The following SLC45A4 variants were observed in gnomAD, a reference collection of about 807,000 sequenced individuals.
SLC45A4 encodes the protein solute carrier family 45 member 4.
A neutral mutation model predicts 63.7 loss-of-function variants in SLC45A4; 32 were observed. That is an observed-to-expected ratio of 0.50 (90% CI 0.38 to 0.67). SLC45A4 has a LOEUF of 0.67. Ranked by LOEUF, SLC45A4 falls within the 30% of genes least tolerant of loss-of-function variation. The pLI is 0.00. For synonymous variants in SLC45A4, 535 were observed against 510.0 expected, an observed-to-expected ratio of 1.05 and a Z score of -0.66; for missense variants, 1,027 against 1,157.7, an observed-to-expected ratio of 0.89 and a Z score of 1.64.
At chr8:141,220,421 A>G (rs1467944566) in intron 3 of SLC45A4, among the ~76,000 whole-genome samples, 2 of 152,084 alleles carry the variant, frequency 1.3e-5, no homozygotes, top group African/African-American at 4.8e-5. Context: ...GCCGCACCTC[A>G]CCTACGAGTC....
intron 1 of SLC45A4, among the ~76,000 whole-genome samples, chr8:141,304,995 T>C (rs1305650346): frequency 2.0e-5 from 3 of 152,192 alleles, no homozygotes; most frequent in South Asian, 2.1e-4. Context: ...AATGACAATA[T>C]GACCTGTTAA....
At chr8:141,285,779 C>T (rs773322145) in intron 1 of SLC45A4, among the ~76,000 whole-genome samples, 4 of 152,204 alleles carry the variant, frequency 2.6e-5, no homozygotes, top group South Asian at 4.1e-4. Context: ...TCTGACCGGC[C>T]GAGGGCACCT....
intron 1 of SLC45A4, among the ~76,000 whole-genome samples, chr8:141,271,883 AAC>A (rs201058392): frequency 0.02 from 3,033 of 151,818 alleles, 96 homozygotes; most frequent in African/African-American, 0.07. Context: ...ACGTGCATGC[AAC>A]ACACACCTGC....
At position 141,211,414 on chromosome 8, in the gene SLC45A4, C is replaced by A; in HGVS notation, c.*158G>T. On this transcript the variant is annotated 3_prime_UTR_variant, in exon 9 of 9. Coordinates refer to ENST00000517878, the MANE Select transcript of SLC45A4 (RefSeq NM_001286646.2). Reference sequence around the variant, plus strand: ...AGGTGGTGCCCAGCCCATCCCTGGGCAGGGTGTCTGGGAGCCACCCCTGCA... The same window carrying A: ...AGGTGGTGCCCAGCCCATCCCTGGGAAGGGTGTCTGGGAGCCACCCCTGCA... The A allele has an allele frequency of 6.5e-7, 1 of 1,545,196 alleles. No individual in the cohort carries two copies. Among genetic ancestry groups the A allele is most frequent in the Non-Finnish European group, 8.7e-7 (1 of 1,147,702 alleles).
intron 2 of SLC45A4, among the ~76,000 whole-genome samples, chr8:141,240,251 T>C (rs1316984643): frequency 6.6e-6 from 1 of 152,202 alleles, no homozygotes; most frequent in African/African-American, 2.4e-5. Context: ...CTTCGTCGAG[T>C]GGAGAGAAGT....
intron 1 of SLC45A4, among the ~76,000 whole-genome samples, chr8:141,266,257 C>T (rs932150471): frequency 6.6e-6 from 1 of 152,304 alleles, no homozygotes; most frequent in African/African-American, 2.4e-5. Context: ...CGCATGTACA[C>T]GCACGCATGG....
chr8:141,270,501 C>T (rs1449465614), intron 1 of SLC45A4, among the ~76,000 whole-genome samples: 1 of 151,808 alleles, frequency 6.6e-6, no homozygotes, highest in African/African-American at 2.4e-5. Flanking sequence ...TGGCAAAACC[C>T]CATCTTTACA....
rs746292957 is a variant in SLC45A4, at chr8:141,211,410, T to C, written c.*162A>G. On this transcript the variant is annotated 3_prime_UTR_variant, in exon 9 of 9. Coordinates refer to ENST00000517878, the MANE Select transcript of SLC45A4 (RefSeq NM_001286646.2). ...CCCCAGGTGGTGCCCAGCCCATCCCTGGGCAGGGTGTCTGGGAGCCACCCC... is the reference window on the plus strand; with the variant it reads ...CCCCAGGTGGTGCCCAGCCCATCCCCGGGCAGGGTGTCTGGGAGCCACCCC... The C allele has an allele frequency of 1.3e-6, 2 of 1,542,610 alleles. No individual in the cohort carries two copies. The highest frequency in any genetic ancestry group is 8.7e-7 in the Non-Finnish European group (1 of 1,146,784).
At chr8:141,272,401 C>T (rs1829575265) in intron 1 of SLC45A4, among the ~76,000 whole-genome samples, 1 of 152,212 alleles carries the variant, frequency 6.6e-6, no homozygotes, top group African/African-American at 2.4e-5. Flanking sequence ...CCTCCCCTCC[C>T]ACCTTCTCCT....
chr8:141,244,900 A>G (rs1341768980), intron 2 of SLC45A4, among the ~76,000 whole-genome samples: 1 of 139,646 alleles, frequency 7.2e-6, no homozygotes, highest in Non-Finnish European at 1.5e-5. Flanking sequence ...CAGGGCCCAG[A>G]AAACCTCTGA....
rs1231752583 is a variant in SLC45A4, at chr8:141,229,708, G to A, written c.242-7943C>T. ...TGACAACAGACCCACTGGGTGATGAGCCTGACTTCCCTACCTGCACCTCCC... is the reference window on the plus strand; with the variant it reads ...TGACAACAGACCCACTGGGTGATGAACCTGACTTCCCTACCTGCACCTCCC... On this transcript the variant is annotated intron_variant, in intron 2 of 8. Transcript: ENST00000517878. The surrounding 1 kb of genome is among the most constrained non-coding windows in gnomAD (Gnocchi z 5.0). Among the ~76,000 whole-genome samples the A allele has an allele frequency of 2.0e-5, 3 of 152,164 alleles. No individual in the cohort carries two copies. In the East Asian group the frequency reaches 5.8e-4, roughly 29 times the overall value.
At chr8:141,231,325 A>ACGCAGGT (rs1485086987) in intron 2 of SLC45A4, among the ~76,000 whole-genome samples, 1 of 152,180 alleles carries the variant, frequency 6.6e-6, no homozygotes, top group Non-Finnish European at 1.5e-5. Flanking sequence ...GGGCTGGGAC[A>ACGCAGGT]CGCAGGTCCC....
chr8:141,221,553 A>C, intron 3 of SLC45A4, 24 bp downstream of exon 3: 1 of 1,606,840 alleles, frequency 6.2e-7, no homozygotes, highest in Non-Finnish European at 8.5e-7. Context: ...TTGTGAGGAC[A>C]CCAGGTGTGG....
At chr8:141,213,088 G>C (rs1401996293) in intron 7 of SLC45A4, among the ~76,000 whole-genome samples, 5 of 152,008 alleles carry the variant, frequency 3.3e-5, no homozygotes, top group Non-Finnish European at 7.4e-5. Context: ...CTCTGCAAAG[G>C]CTTTTTCCTA....
chr8:141,226,769 C>T (rs1040893930), intron 2 of SLC45A4: 4 of 152,224 alleles, frequency 2.6e-5, no homozygotes, highest in African/African-American at 9.7e-5. Flanking sequence ...AGCTCAAGCC[C>T]AATAGGAAGT....
Position 141,212,409 on chromosome 8 carries a change from T to A in SLC45A4, c.2089A>T (p.Met697Leu), listed in dbSNP as rs770111752. 6.2e-7 allele frequency: 1 copy of A among 1,613,750 alleles called. No homozygotes were observed. Among genetic ancestry groups the A allele is most frequent in the African/African-American group, 1.3e-5 (1 of 75,026 alleles). ...DAVGTVRVIP[M>L]VASVGSFLGF... ...AGGAAAGAGCCCACAGAGGCCACCA[T>A]GGGGATGACGCGGACAGTCCCCACG... Residue 697 changes from methionine (M) to leucine (L), a missense_variant, in exon 8 of 9, where the codon ATG becomes TTG. Transcript: ENST00000517878.
chr8:141,247,588 C>CT (rs1569558693), intron 2 of SLC45A4, among the ~76,000 whole-genome samples: 2 of 152,092 alleles, frequency 1.3e-5, no homozygotes, highest in Non-Finnish European at 2.9e-5. Flanking sequence ...TTTTCTTTTT[C>CT]TTTTTTAGAA....
chr8:141,210,912 C>T lies in SLC45A4; in HGVS notation c.*660G>A, dbSNP rs1262530614. ...AAAACATTTCCAAATAGCTGCAGTA[C>T]TTGCCCGAGTTTTGCTTATTCGTTG... On this transcript the variant is annotated 3_prime_UTR_variant, in exon 9 of 9. Coordinates refer to ENST00000517878, the MANE Select transcript of SLC45A4 (RefSeq NM_001286646.2). 2 of 152,624 alleles carry T rather than the reference C, an allele frequency of 1.3e-5. No individual in the cohort carries two copies. Among genetic ancestry groups the T allele is most frequent in the African/African-American group, 4.8e-5 (2 of 41,486 alleles). 9.5% of individuals were successfully genotyped at this position (152,624 alleles called of 1,614,324 possible).
At position 141,274,512 on chromosome 8, in the gene SLC45A4, C is replaced by T. The variant is rs190481365; in HGVS notation, c.-400-19883G>A. ...TCGCACCATTGCACTCCAGCCTGGG[C>T]GACAAGAGAGAAACTCGGTCTCAAA... On this transcript the variant is annotated intron_variant, in intron 1 of 8. Transcript: ENST00000517878. Among the ~76,000 whole-genome samples the T allele has an allele frequency of 4.3e-3, 557 of 130,084 alleles. 8 individuals are homozygous for T. The highest frequency in any genetic ancestry group is 0.015 in the African/African-American group (524 of 34,288). The allele number at this position is 130,084 out of a possible 152,430, so 85.3% of individuals were successfully genotyped here.
Sources: gnomAD v4.1 joint callset for allele counts (sites outside exome capture counted in the v4.1 genomes callset) on GRCh38, gnomAD v4.1.1 for gene constraint, Gnocchi (gnomAD v3.1) non-coding constraint, MANE v1.5 for transcripts, NCBI Gene and HGNC (gene_info 2026-07-23, HGNC 2026-07-21) for gene names.